Variants in PGM1 observed in about 807,000 individuals in gnomAD.
PGM1 encodes phosphoglucomutase 1.
PGM1 carries 52 observed loss-of-function variants against 55.6 expected under a neutral mutation model. The ratio of observed to expected loss-of-function variants is 0.94; its 90% CI spans 0.75 to 1.18. The LOEUF (loss-of-function observed/expected upper bound fraction) is 1.18. PGM1 is among the 50% of genes most tolerant of loss of function. The probability of loss-of-function intolerance (pLI) is 0.00; values close to 1 mark genes in which losing one functional copy is unlikely to be tolerated. For synonymous variants in PGM1, 287 were observed against 271.7 expected (o/e 1.06, Z -0.55); for missense variants, 724 against 729.3 (o/e 0.99, Z 0.08).
rs539111235 is a variant in PGM1 at position 63,594,053 on chromosome 1, C to G, written c.246+319C>G. ...CGCTGCCTTCCCTCTCCCCGTCCCC[C>G]GCCCCTCCCGAGGCGTCTGACATTT... On this transcript the variant is annotated intron_variant, in intron 1 of 10. Coordinates refer to ENST00000371084, the MANE Select transcript of PGM1 (RefSeq NM_002633.3). 3.7e-3 allele frequency: 4,001 copies of G among 1,083,198 alleles called. 11 individuals are homozygous for G. The highest frequency in any genetic ancestry group is 4.3e-3 in the Non-Finnish European group (3,814 of 896,344). The allele number at this position is 1,083,198 out of a possible 1,614,324, so 67.1% of individuals were successfully genotyped here.
Position 63,600,520 on chromosome 1 carries a change from G to T in PGM1, c.246+6786G>T, listed in dbSNP as rs367587962. Among the ~76,000 whole-genome samples the T allele has an allele frequency of 3.5e-4, 53 of 152,220 alleles. No homozygotes were observed. The East Asian group carries it at 8.5e-3, about 24-fold the overall frequency. ...CAAAGTTTCTGCTCTACAGAGCTGT[G>T]GGGTTCTCGTTGAGCCTGACAGATG... On this transcript the variant is annotated intron_variant, in intron 1 of 10. Transcript: ENST00000371084.
chr1:63,602,080 G>A (rs929929252), intron 1 of PGM1, among the ~76,000 whole-genome samples: 3 of 152,168 alleles, frequency 2.0e-5, no homozygotes, highest in Non-Finnish European at 4.4e-5. Context: ...AATGGTGTTG[G>A]AACAGGGACT....
At position 63,613,658 on chromosome 1, in the gene PGM1, A is replaced by G. The variant is rs115138583; in HGVS notation, c.247-15767A>G. ...TACATCTGCAAAGACCCTATTTCCA[A>G]ATAAGGTCACATCCCCAGGTTCCTG... On this transcript the variant is annotated intron_variant, in intron 1 of 10. Coordinates refer to ENST00000371084, the MANE Select transcript of PGM1 (RefSeq NM_002633.3). Among the ~76,000 whole-genome samples, 434 of 151,702 alleles carry G rather than the reference A, an allele frequency of 2.9e-3. 3 individuals are homozygous for G. Among genetic ancestry groups the G allele is most frequent in the African/African-American group, 9.9e-3 (411 of 41,316 alleles).
intron 1 of PGM1, chr1:63,594,107 G>C: frequency 9.8e-7 from 1 of 1,016,910 alleles, no homozygotes; most frequent in Non-Finnish European, 1.2e-6. Context: ...TGGAAGATAC[G>C]ATTACGGCGC....
chr1:63,611,473 T>C (rs1337451627), intron 1 of PGM1, among the ~76,000 whole-genome samples: 1 of 152,066 alleles, frequency 6.6e-6, no homozygotes, highest in Non-Finnish European at 1.5e-5. Flanking sequence ...GTCACACAGG[T>C]CCTTAACCCC....
intron 1 of PGM1, among the ~76,000 whole-genome samples, chr1:63,613,259 CTT>C (rs11377805): frequency 1.4e-4 from 15 of 107,864 alleles, no homozygotes; most frequent in African/African-American, 4.8e-4. Flanking sequence ...GTTGGCTTAT[CTT>C]TTTTTTTTTT....
At position 63,626,156 on chromosome 1, in the gene PGM1, C is replaced by G. The variant is rs539972704; in HGVS notation, c.247-3269C>G. Among the ~76,000 whole-genome samples, 5 of 152,206 alleles carry G rather than the reference C, an allele frequency of 3.3e-5. No homozygotes were observed. The East Asian group carries it at 9.6e-4, about 29-fold the overall frequency. ...AGGGGAGGCCATTTGAGGATGGACT[C>G]TTAGTGCCTGGCTGAGGGGGTTATC... On this transcript the variant is annotated intron_variant, in intron 1 of 10. Transcript: ENST00000371084.
chr1:63,639,435 T>C lies in PGM1; in HGVS notation c.1144+635T>C, dbSNP rs367873304. 2.6e-5 allele frequency among the ~76,000 whole-genome samples: 4 copies of C among 151,692 alleles called. No individual in the cohort carries two copies. The East Asian group carries it at 7.8e-4, about 30-fold the overall frequency. ...GACCTATAGACCTCACTCTCTGCGCTCTCCTTCCTCCTCTCTGCTTGTCCA... is the reference window on the plus strand; with the variant it reads ...GACCTATAGACCTCACTCTCTGCGCCCTCCTTCCTCCTCTCTGCTTGTCCA... On this transcript the variant is annotated intron_variant, in intron 7 of 10. Coordinates refer to ENST00000371084, the MANE Select transcript of PGM1 (RefSeq NM_002633.3).
intron 10 of PGM1, among the ~76,000 whole-genome samples, chr1:63,658,396 TC>T (rs1650023746): frequency 7.6e-6 from 1 of 131,036 alleles, no homozygotes; most frequent in Non-Finnish European, 1.6e-5. Context: ...CAGAATTCTC[TC>T]TTTTTTTTTT....
intron 4 of PGM1, among the ~76,000 whole-genome samples, chr1:63,632,906 G>T (rs141343292): frequency 2.0e-5 from 3 of 151,990 alleles, no homozygotes; most frequent in Non-Finnish European, 4.4e-5. Flanking sequence ...GCCTGTAATC[G>T]CAGCTACTCA....
chr1:63,636,152 T>G (rs1649355372), intron 5 of PGM1, 82 bp from the exon 6 acceptor site: 1 of 1,339,076 alleles, frequency 7.5e-7, no homozygotes, highest in Non-Finnish European at 1.1e-6. Context: ...AGTTTTACAT[T>G]TTATAAAACC....
chr1:63,653,111 A>G (rs1263336205), intron 9 of PGM1, among the ~76,000 whole-genome samples: 1 of 152,218 alleles, frequency 6.6e-6, no homozygotes, highest in African/African-American at 2.4e-5. Context: ...AGGTGTGTAT[A>G]GGAGACAGTG....
intron 3 of PGM1, among the ~76,000 whole-genome samples, chr1:63,630,494 G>C (rs1649166106): frequency 6.6e-6 from 1 of 152,158 alleles, no homozygotes; most frequent in East Asian, 1.9e-4. Flanking sequence ...TATAGATGAG[G>C]AAACAAAGGC....
In PGM1 at chr1:63,635,008, G is replaced by C; in HGVS notation, c.862G>C (p.Asp288His). Reference protein sequence around the residue: ...SGEHDFGAAFDGDGDRNMILG... With the variant: ...SGEHDFGAAFHGDGDRNMILG... ...AGAGCATGATTTTGGGGCTGCCTTT[G>C]ATGGAGATGGGGTGGGTATAAGTGC... is the stretch of plus-strand genomic sequence containing the variant. Residue 288 changes from aspartate to histidine, a missense_variant, in exon 5 of 11, where the codon GAT (aspartate) becomes CAT (histidine). By Grantham distance (81) the Asp-to-His change is moderately conservative. This residue lies in a region of PGM1 where 29 missense variants were observed against 58.7 expected (regional missense o/e 0.49). Coordinates refer to ENST00000371084, the MANE Select transcript of PGM1 (RefSeq NM_002633.3). The C allele has an allele frequency of 6.2e-7, 1 of 1,613,888 alleles. No individual in the cohort carries two copies. The highest frequency in any genetic ancestry group is 8.5e-7 in the Non-Finnish European group (1 of 1,179,882).
intron 7 of PGM1, among the ~76,000 whole-genome samples, chr1:63,644,470 A>T (rs1649599829): frequency 1.3e-5 from 2 of 152,214 alleles, no homozygotes; most frequent in Admixed American, 1.3e-4. Flanking sequence ...CACTAATCCC[A>T]GTGCCCAGAG....
chr1:63,634,942 C>T lies in PGM1; in HGVS notation c.796C>T (p.Leu266Phe). 1 of 1,614,102 alleles carries T rather than the reference C, an allele frequency of 6.2e-7. No homozygotes were observed. The highest frequency in any genetic ancestry group is 8.5e-7 in the Non-Finnish European group (1 of 1,180,004). ...TGGAGGCCACCACCCTGACCCCAAC[C>T]TCACCTATGCAGCTGACCTGGTGGA... is the stretch of plus-strand genomic sequence containing the variant. ...DFGGHHPDPN[L>F]TYAADLVETM... The change falls in exon 5 of 11, where the codon CTC becomes TTC. Residue 266 changes from leucine (L) to phenylalanine (F), a missense_variant. Leu to Phe is a conservative substitution (Grantham distance 22). Coordinates refer to ENST00000371084, the MANE Select transcript of PGM1 (RefSeq NM_002633.3).
intron 1 of PGM1, among the ~76,000 whole-genome samples, chr1:63,607,887 G>A (rs557093727): frequency 3.3e-5 from 5 of 152,134 alleles, no homozygotes; most frequent in African/African-American, 7.2e-5. Flanking sequence ...CACCTAAAGC[G>A]ATGTAACAAG....
chr1:63,611,197 C>G (rs767039329), intron 1 of PGM1, among the ~76,000 whole-genome samples: 3 of 151,986 alleles, frequency 2.0e-5, no homozygotes, highest in Non-Finnish European at 4.4e-5. Flanking sequence ...GAGGGGAACA[C>G]GCAGGGGTGG....
At chr1:63,656,976 T>C (rs546030500) in intron 10 of PGM1, among the ~76,000 whole-genome samples, 5 of 152,314 alleles carry the variant, frequency 3.3e-5, no homozygotes, top group African/African-American at 1.2e-4. Flanking sequence ...TTGTTCTCAC[T>C]ATCACCACCA....
Sources: gnomAD v4.1 joint callset for allele counts (sites outside exome capture counted in the v4.1 genomes callset) on GRCh38, gnomAD v4.1.1 for gene constraint, gnomAD v4.1.1 regional missense constraint, MANE v1.5 for transcripts, NCBI Gene and HGNC (gene_info 2026-07-23, HGNC 2026-07-21) for gene names.